ZNF804A: variants seen among roughly 807,000 people sequenced by gnomAD.
ZNF804A encodes zinc finger protein 804A.
ZNF804A carries 2 observed loss-of-function variants against 16.5 expected under a neutral mutation model. The ratio of observed to expected loss-of-function variants is 0.12; its 90% CI spans 0.05 to 0.38. ZNF804A has a LOEUF of 0.38. Among genes scored for constraint, ZNF804A ranks in the 10% least tolerant of loss-of-function variants. ZNF804A has a pLI of 0.99. For missense variants in ZNF804A, 1,473 were observed against 1,390.7 expected (o/e 1.06, Z -0.94); for synonymous variants, 534 against 489.6 (o/e 1.09, Z -1.20).
At chr2:184,686,208 G>A (rs1411908671) in intron 1 of ZNF804A, among the ~76,000 whole-genome samples, 1 of 152,220 alleles carries the variant, frequency 6.6e-6, no homozygotes, top group Non-Finnish European at 1.5e-5. Flanking sequence ...GCCAAAGTTA[G>A]GTGGCTGCAG....
At chr2:184,875,336 C>T (rs1287727148) in intron 2 of ZNF804A, among the ~76,000 whole-genome samples, 1 of 152,110 alleles carries the variant, frequency 6.6e-6, no homozygotes, top group Non-Finnish European at 1.5e-5. Flanking sequence ...TGGCTTGGTG[C>T]CATTCTCATG....
chr2:184,625,010 A>G (rs990722554), intron 1 of ZNF804A, among the ~76,000 whole-genome samples: 3 of 152,150 alleles, frequency 2.0e-5, no homozygotes, highest in African/African-American at 7.2e-5. Context: ...CTGATCATTA[A>G]AATAAGCAGG....
intron 1 of ZNF804A, among the ~76,000 whole-genome samples, chr2:184,797,380 G>T (rs2105781248): frequency 6.6e-6 from 1 of 151,988 alleles, no homozygotes; most frequent in South Asian, 2.1e-4. Flanking sequence ...ATTATATATT[G>T]TTCCTCTTTG....
intron 1 of ZNF804A, among the ~76,000 whole-genome samples, chr2:184,795,209 G>C (rs1694612860): frequency 6.6e-6 from 1 of 151,748 alleles, no homozygotes; most frequent in African/African-American, 2.4e-5. Flanking sequence ...ATGTGAAATT[G>C]TATCAAGCAC....
intron 1 of ZNF804A, among the ~76,000 whole-genome samples, chr2:184,700,484 TAAAAA>T (rs1692901431): frequency 6.6e-6 from 1 of 152,036 alleles, no homozygotes; most frequent in Non-Finnish European, 1.5e-5. Context: ...TGATGAAAGT[TAAAAA>T]GAAATGATTG....
At chr2:184,607,607 G>A (rs1691170445) in intron 1 of ZNF804A, among the ~76,000 whole-genome samples, 1 of 151,566 alleles carries the variant, frequency 6.6e-6, no homozygotes, top group South Asian at 2.1e-4. Flanking sequence ...CCCATGACAC[G>A]TGGTGATTAT....
At chr2:184,631,674 T>C (rs1691611546) in intron 1 of ZNF804A, among the ~76,000 whole-genome samples, 1 of 152,176 alleles carries the variant, frequency 6.6e-6, no homozygotes, top group Non-Finnish European at 1.5e-5. Flanking sequence ...TTTTCAAAGA[T>C]TAATGAAATG....
At chr2:184,738,899 T>A (rs898348011) in intron 1 of ZNF804A, among the ~76,000 whole-genome samples, 2 of 152,160 alleles carry the variant, frequency 1.3e-5, no homozygotes. Flanking sequence ...GCAAAGAAAA[T>A]AAGTATGAAT....
At chr2:184,766,667 A>T (rs1694133933) in intron 1 of ZNF804A, among the ~76,000 whole-genome samples, 1 of 151,966 alleles carries the variant, frequency 6.6e-6, no homozygotes. Context: ...ACAATCCAAC[A>T]GTTTTATTCC....
intron 2 of ZNF804A, among the ~76,000 whole-genome samples, chr2:184,925,940 A>G (rs1685602817): frequency 6.6e-6 from 1 of 151,750 alleles, no homozygotes; most frequent in African/African-American, 2.4e-5. Context: ...TTGGAGATGG[A>G]GTCTCGCTCT....
chr2:184,606,216 A>C (rs988956565), intron 1 of ZNF804A, among the ~76,000 whole-genome samples: 2 of 152,220 alleles, frequency 1.3e-5, no homozygotes, highest in African/African-American at 4.8e-5. Context: ...CAGGTAATTT[A>C]TAAAGGAAAG....
At chr2:184,724,144 C>G (rs940580732) in intron 1 of ZNF804A, among the ~76,000 whole-genome samples, 5 of 151,546 alleles carry the variant, frequency 3.3e-5, no homozygotes, top group African/African-American at 1.2e-4. Context: ...AGCTATGCAC[C>G]AGGAAAAGGC....
chr2:184,786,567 G>A (rs889659586), intron 1 of ZNF804A, among the ~76,000 whole-genome samples: 1 of 151,860 alleles, frequency 6.6e-6, no homozygotes, highest in African/African-American at 2.4e-5. Flanking sequence ...AGAAGGGCCA[G>A]GTTTTGGAAT....
chr2:184,657,440 A>G (rs142164234), intron 1 of ZNF804A, among the ~76,000 whole-genome samples: 18 of 152,206 alleles, frequency 1.2e-4, no homozygotes, highest in African/African-American at 3.9e-4. Flanking sequence ...ATGTTTCAGG[A>G]ATTGCTCTTA....
chr2:184,870,942 C>T (rs1330972642), intron 2 of ZNF804A, among the ~76,000 whole-genome samples: 3 of 151,658 alleles, frequency 2.0e-5, no homozygotes, highest in Non-Finnish European at 4.4e-5. Flanking sequence ...TAAAATTCTT[C>T]ACATGCATAA....
At chr2:184,689,025 TAAC>T in intron 1 of ZNF804A, among the ~76,000 whole-genome samples, 1 of 152,134 alleles carries the variant, frequency 6.6e-6, no homozygotes, top group Non-Finnish European at 1.5e-5. Context: ...AAAAATAATT[TAAC>T]AACATTTAAT....
intron 1 of ZNF804A, among the ~76,000 whole-genome samples, chr2:184,770,060 T>C (rs1173235808): frequency 6.6e-6 from 1 of 152,034 alleles, no homozygotes; most frequent in Non-Finnish European, 1.5e-5. Flanking sequence ...ATATATACAG[T>C]TTATCATCAA....
At chr2:184,609,390 G>T (rs1274435943) in intron 1 of ZNF804A, among the ~76,000 whole-genome samples, 1 of 152,214 alleles carries the variant, frequency 6.6e-6, no homozygotes, top group Non-Finnish European at 1.5e-5. Context: ...TGTTTTGACA[G>T]AGAGGCGTGA....
intron 1 of ZNF804A, among the ~76,000 whole-genome samples, chr2:184,688,671 G>T (rs1336216922): frequency 6.6e-6 from 1 of 151,948 alleles, no homozygotes; most frequent in Non-Finnish European, 1.5e-5. Context: ...AACTATATTT[G>T]ATTTCTTGAA....
Sources: gnomAD v4.1 joint callset for allele counts (sites outside exome capture counted in the v4.1 genomes callset) on GRCh38, gnomAD v4.1.1 for gene constraint, MANE v1.5 for transcripts, NCBI Gene and HGNC (gene_info 2026-07-23, HGNC 2026-07-21) for gene names.